Variants in PRKN observed in about 807,000 individuals in gnomAD.
PRKN encodes the protein E3 ubiquitin-protein ligase parkin.
In PRKN, 56 loss-of-function variants were observed where a neutral mutation model predicts 59.5. The observed-to-expected ratio is 0.94, with a 90% CI of 0.76 to 1.18. The LOEUF (loss-of-function observed/expected upper bound fraction) is 1.18. PRKN is among the 50% of genes most tolerant of loss of function. The pLI is 0.00. For synonymous variants in PRKN, 250 were observed against 222.1 expected (o/e 1.13, Z -1.12); for missense variants, 657 against 596.4 (o/e 1.10, Z -1.06).
At chr6:161,971,773 T>C (rs1467784014) in intron 6 of PRKN, among the ~76,000 whole-genome samples, 5 of 152,206 alleles carry the variant, frequency 3.3e-5, no homozygotes, top group African/African-American at 1.2e-4. Flanking sequence ...TATTAGAGAA[T>C]AGAAATAGCC....
intron 6 of PRKN, among the ~76,000 whole-genome samples, chr6:161,940,137 C>T (rs1268025668): frequency 2.0e-5 from 3 of 152,080 alleles, no homozygotes; most frequent in Non-Finnish European, 4.4e-5. Flanking sequence ...TTCAGGTGAT[C>T]CACCCACCTT....
chr6:162,123,225 TACA>T lies in PRKN; in HGVS notation c.535-69054_535-69052del, dbSNP rs558201129. 1.0e-3 allele frequency among the ~76,000 whole-genome samples: 156 copies of T among 152,104 alleles called. 1 individual carries two copies. Among genetic ancestry groups the T allele is most frequent in the Middle Eastern group, 6.8e-3 (2 of 294 alleles). On this transcript the variant is annotated intron_variant, in intron 4 of 11. Coordinates refer to ENST00000366898, the MANE Select transcript of PRKN (RefSeq NM_004562.3). Reference sequence around the variant, plus strand: ...CTCATGGTATTTCCATGTCCAAAAGTACAAGTTAATGAAAACTATGGCAACCAA... The same window carrying T: ...CTCATGGTATTTCCATGTCCAAAAGTAGTTAATGAAAACTATGGCAACCAA...
At chr6:162,293,821 A>G (rs1781544298) in intron 2 of PRKN, among the ~76,000 whole-genome samples, 1 of 152,070 alleles carries the variant, frequency 6.6e-6, no homozygotes, top group Non-Finnish European at 1.5e-5. Flanking sequence ...GGAGACAGAG[A>G]GTGCCCGCCA....
chr6:162,299,957 T>C (rs1391850718), intron 2 of PRKN, among the ~76,000 whole-genome samples: 2 of 152,204 alleles, frequency 1.3e-5, no homozygotes, highest in Non-Finnish European at 2.9e-5. Flanking sequence ...ATACTCATGG[T>C]ATTTTTCCAC....
chr6:161,953,243 C>G (rs1780052108), intron 6 of PRKN, among the ~76,000 whole-genome samples: 1 of 152,100 alleles, frequency 6.6e-6, no homozygotes, highest in South Asian at 2.1e-4. Flanking sequence ...TGCCAAGTAG[C>G]TAGGACCACA....
intron 1 of PRKN, among the ~76,000 whole-genome samples, chr6:162,530,182 TTAA>T (rs1226014662): frequency 6.7e-6 from 1 of 148,438 alleles, no homozygotes; most frequent in African/African-American, 2.5e-5. Flanking sequence ...TTCCCAGGAG[TTAA>T]TTATTAGTTA....
chr6:161,874,187 AAT>A (rs1794512158), intron 6 of PRKN, among the ~76,000 whole-genome samples: 1 of 58,550 alleles, frequency 1.7e-5, no homozygotes, highest in Non-Finnish European at 2.7e-5. Flanking sequence ...TATTATATAT[AAT>A]ATATAATATA....
intron 11 of PRKN, among the ~76,000 whole-genome samples, chr6:161,351,783 T>C (rs963204481): frequency 6.6e-6 from 1 of 152,218 alleles, no homozygotes; most frequent in Non-Finnish European, 1.5e-5. Context: ...ATCACTCTGC[T>C]ATAGAATTTC....
intron 9 of PRKN, among the ~76,000 whole-genome samples, chr6:161,540,487 A>C (rs76797540): frequency 0.11 from 16,977 of 152,214 alleles, 1,060 homozygotes; most frequent in African/African-American, 0.17. Context: ...AGTCTCAAAA[A>C]TACATTTGAG....
intron 1 of PRKN, among the ~76,000 whole-genome samples, 171 bp downstream of exon 1, chr6:162,727,491 C>T (rs1040071219): frequency 1.3e-5 from 2 of 152,080 alleles, no homozygotes; most frequent in Non-Finnish European, 1.5e-5. Flanking sequence ...GGCCCCGGAC[C>T]CGCGTCGCTG....
chr6:161,721,748 C>T (rs935533861), intron 7 of PRKN, among the ~76,000 whole-genome samples: 1 of 152,062 alleles, frequency 6.6e-6, no homozygotes, highest in African/African-American at 2.4e-5. Flanking sequence ...GCTGCTGCCT[C>T]CCTGGGTCAT....
At chr6:161,678,986 A>C (rs1785196660) in intron 7 of PRKN, among the ~76,000 whole-genome samples, 1 of 152,168 alleles carries the variant, frequency 6.6e-6, no homozygotes, top group South Asian at 2.1e-4. Flanking sequence ...GAGCTATTTG[A>C]GGGAAGGACA....
chr6:161,771,367 A>AAATAAT lies in PRKN; in HGVS notation c.871+14404_871+14405insATTATT, dbSNP rs1554303165. Among the ~76,000 whole-genome samples, 287 of 82,764 alleles carry AAATAAT rather than the reference A, an allele frequency of 3.5e-3. 16 individuals carry two copies. Among genetic ancestry groups the AAATAAT allele is most frequent in the African/African-American group, 1.0e-2 (236 of 23,602 alleles). The allele number at this position is 82,764 out of a possible 152,430, so 54.3% of individuals were successfully genotyped here. ...CAAGACTCCACCTCAAAAAAAAAAA[A>AAATAAT]AAAATAAAATAAAATAAAATAAAAT... On this transcript the variant is annotated intron_variant, in intron 7 of 11. Transcript: ENST00000366898.
chr6:161,712,610 C>T (rs537104728), intron 7 of PRKN, among the ~76,000 whole-genome samples: 12 of 152,114 alleles, frequency 7.9e-5, no homozygotes, highest in African/African-American at 2.4e-4. Context: ...AAATCTGTTC[C>T]TTATTAAATT....
intron 7 of PRKN, among the ~76,000 whole-genome samples, chr6:161,681,813 A>G (rs1469531454): frequency 6.6e-6 from 1 of 152,224 alleles, no homozygotes; most frequent in Non-Finnish European, 1.5e-5. Flanking sequence ...TGGCCAGATA[A>G]TGTACTAAGT....
intron 6 of PRKN, among the ~76,000 whole-genome samples, chr6:161,862,540 C>A (rs1793943552): frequency 6.6e-6 from 1 of 152,018 alleles, no homozygotes; most frequent in African/African-American, 2.4e-5. Context: ...GACTAAAGAC[C>A]AAAGGGATCT....
In PRKN at chr6:161,875,386, G is replaced by A. The variant is rs192110378; in HGVS notation, c.735-89478C>T. Among the ~76,000 whole-genome samples, 465 of 151,622 alleles carry A rather than the reference G, an allele frequency of 3.1e-3. 1 individual carries two copies. The highest frequency in any genetic ancestry group is 5.1e-3 in the Non-Finnish European group (346 of 67,938). ...TTTTTGTATTTTTTGTAGAGACGGG[G>A]TTTCATCATGTTGGGCAGGCTGGTC... On this transcript the variant is annotated intron_variant, in intron 6 of 11. Coordinates refer to ENST00000366898, the MANE Select transcript of PRKN (RefSeq NM_004562.3).
chr6:162,465,078 T>A (rs1012860750), intron 1 of PRKN, among the ~76,000 whole-genome samples: 1 of 152,152 alleles, frequency 6.6e-6, no homozygotes, highest in Non-Finnish European at 1.5e-5. Flanking sequence ...CTCCCTGAGC[T>A]TATGAAAACT....
intron 6 of PRKN, among the ~76,000 whole-genome samples, chr6:161,871,909 C>T (rs1008552716): frequency 1.3e-5 from 2 of 152,148 alleles, no homozygotes; most frequent in East Asian, 1.9e-4. Flanking sequence ...ATTCACTGAC[C>T]GTCTTCTGTG....
Sources: allele counts gnomAD v4.1 joint callset (sites outside exome capture counted in the v4.1 genomes callset), GRCh38; gene constraint gnomAD v4.1.1; transcripts MANE v1.5; gene names NCBI Gene and HGNC (gene_info 2026-07-23, HGNC 2026-07-21).